Variants in ELF1 observed in about 807,000 individuals in gnomAD.
The protein encoded by ELF1 is ETS-related transcription factor Elf-1.
In ELF1, 24 loss-of-function variants were observed where a neutral mutation model predicts 59.9. The observed-to-expected ratio is 0.40, with a 90% CI of 0.29 to 0.56. The LOEUF (loss-of-function observed/expected upper bound fraction) is 0.56, where lower values mean the gene tolerates loss of function less well. Among genes scored for constraint, ELF1 ranks in the 20% least tolerant of loss-of-function variants. ELF1 has a pLI of 0.44. For synonymous variants in ELF1, 248 were observed against 266.2 expected, an observed-to-expected ratio of 0.93 and a Z score of 0.67; for missense variants, 627 against 742.2, an observed-to-expected ratio of 0.84 and a Z score of 1.80.
At chr13:40,937,555 T>C (rs1338644634) in intron 8 of ELF1, among the ~76,000 whole-genome samples, 2 of 152,134 alleles carry the variant, frequency 1.3e-5, no homozygotes, top group Non-Finnish European at 1.5e-5. Context: ...CTGCAACCTC[T>C]GCCTCCCAGG....
chr13:41,017,839 C>T (rs1875500609), intron 1 of ELF1, among the ~76,000 whole-genome samples: 1 of 151,768 alleles, frequency 6.6e-6, no homozygotes, highest in African/African-American at 2.4e-5. Context: ...TTCACACAGA[C>T]CAGACTAGAA....
rs553101231 is a variant in ELF1, at chr13:40,970,646, G to A, written c.72+11337C>T. Among the ~76,000 whole-genome samples the A allele has an allele frequency of 3.2e-4, 48 of 152,220 alleles. No homozygotes were observed. In the South Asian group the frequency reaches 8.7e-3, roughly 28 times the overall value. ...CAAGTATGTTTGGATGTTAACCTCC[G>A]TGCCAAGAAAACATACTTGTCTCTA... On this transcript the variant is annotated intron_variant, in intron 2 of 8. Transcript: ENST00000239882.
intron 1 of ELF1, among the ~76,000 whole-genome samples, chr13:41,027,211 A>G (rs1187873101): frequency 1.3e-5 from 2 of 152,266 alleles, no homozygotes; most frequent in African/African-American, 4.8e-5. Context: ...AAAATTGGTG[A>G]CAAAGAAATT....
Position 40,966,931 on chromosome 13 carries a change from A to G in ELF1, c.73-7915T>C, listed in dbSNP as rs74047264. Among the ~76,000 whole-genome samples the G allele has an allele frequency of 6.7e-3, 1,026 of 152,336 alleles. 9 individuals carry two copies. Among genetic ancestry groups the G allele is most frequent in the African/African-American group, 0.024 (979 of 41,572 alleles). Reference sequence around the variant, plus strand: ...CACACCTTCGAGTAGTTCACGCAACATCTTTGCATCAAGGCAAGAAAACAC... The same window carrying G: ...CACACCTTCGAGTAGTTCACGCAACGTCTTTGCATCAAGGCAAGAAAACAC... On this transcript the variant is annotated intron_variant, in intron 2 of 8. Transcript: ENST00000239882.
chr13:40,954,501 A>G (rs985294515), intron 3 of ELF1, among the ~76,000 whole-genome samples: 65 of 151,216 alleles, frequency 4.3e-4, no homozygotes, highest in Non-Finnish European at 7.4e-4. Flanking sequence ...ATGCCGAGCC[A>G]AAGCTGGACT....
intron 1 of ELF1, among the ~76,000 whole-genome samples, chr13:41,019,015 A>G (rs1451941901): frequency 6.6e-6 from 1 of 152,240 alleles, no homozygotes; most frequent in African/African-American, 2.4e-5. Flanking sequence ...GACATACAAA[A>G]TGCTTTAGCA....
rs150301193 is a variant in ELF1 at position 40,948,726 on chromosome 13, C to CT, written c.529+1079_529+1080insA. 6.3e-4 allele frequency among the ~76,000 whole-genome samples: 96 copies of CT among 152,264 alleles called. No individual in the cohort carries two copies. In the East Asian group the frequency reaches 0.015, roughly 23 times the overall value. On this transcript the variant is annotated intron_variant, in intron 5 of 8. Coordinates refer to ENST00000239882, the MANE Select transcript of ELF1 (RefSeq NM_172373.4). ...TAATTGGCAAAAAGTTAAAAATTCC[C>CT]ACTCAACACATCCTAAAATACTCCT...
intron 8 of ELF1, among the ~76,000 whole-genome samples, chr13:40,936,760 CAAAAAAA>C (rs368388366): frequency 3.9e-5 from 3 of 77,158 alleles, no homozygotes; most frequent in East Asian, 8.3e-4. Flanking sequence ...GACTCCGTCT[CAAAAAAA>C]AAAAAAAAAA....
chr13:40,949,942 G>A lies in ELF1; in HGVS notation c.393C>T (p.Asp131=), dbSNP rs1195791723. 1 of 1,613,422 alleles carries A rather than the reference G, an allele frequency of 6.2e-7. No homozygotes were observed. The highest frequency in any genetic ancestry group is 1.1e-5 in the South Asian group (1 of 90,924). Residue 131 remains aspartate, a synonymous_variant, in exon 5 of 9, where the codon GAC becomes GAT. Coordinates refer to ENST00000239882, the MANE Select transcript of ELF1 (RefSeq NM_172373.4). ...NNNIFSSPED[D]MVVAPVTHVS... is the part of the protein sequence containing the mutation. ...CATGGGTGACTGGGGCAACAACCAT[G>A]TCATCTTCAGGTGAACTAAATATAT...
intron 1 of ELF1, among the ~76,000 whole-genome samples, chr13:41,039,686 AAC>A (rs1298006019): frequency 1.3e-5 from 2 of 152,218 alleles, no homozygotes; most frequent in African/African-American, 4.8e-5. Flanking sequence ...AAAATACTGA[AAC>A]ACTGCTCAAT....
At chr13:41,036,080 T>C (rs1370692746) in intron 1 of ELF1, among the ~76,000 whole-genome samples, 1 of 151,652 alleles carries the variant, frequency 6.6e-6, no homozygotes, top group Non-Finnish European at 1.5e-5. Flanking sequence ...AATTTTTTTT[T>C]GTTGTTGTTG....
intron 1 of ELF1, among the ~76,000 whole-genome samples, chr13:41,002,086 T>C (rs1199761545): frequency 6.6e-6 from 1 of 151,428 alleles, no homozygotes; most frequent in Non-Finnish European, 1.5e-5. Flanking sequence ...TGTGAGTATA[T>C]AAGGTGAGGG....
chr13:41,036,173 C>G (rs958403429), intron 1 of ELF1, among the ~76,000 whole-genome samples: 5 of 152,014 alleles, frequency 3.3e-5, no homozygotes, highest in Non-Finnish European at 7.4e-5. Context: ...GTCTCGGCCT[C>G]CCAAAGGGCT....
intron 2 of ELF1, among the ~76,000 whole-genome samples, chr13:40,968,459 G>T (rs1343192792): frequency 6.6e-6 from 1 of 152,072 alleles, no homozygotes; most frequent in African/African-American, 2.4e-5. Flanking sequence ...AAACATCATT[G>T]CTTCCTTTCC....
intron 1 of ELF1, among the ~76,000 whole-genome samples, chr13:41,060,441 G>C (rs1019342243): frequency 9.9e-5 from 15 of 152,160 alleles, no homozygotes; most frequent in Middle Eastern, 3.2e-3. Flanking sequence ...GGAAAACTAC[G>C]GGCCGGAGGG....
At chr13:40,947,711 C>G (rs540964133) in intron 5 of ELF1, among the ~76,000 whole-genome samples, 2 of 152,288 alleles carry the variant, frequency 1.3e-5, no homozygotes, top group East Asian at 1.9e-4. Context: ...CTAGGCCATA[C>G]AAGATTTCCT....
chr13:41,012,873 A>G (rs563954571), intron 1 of ELF1, among the ~76,000 whole-genome samples: 19 of 152,168 alleles, frequency 1.2e-4, no homozygotes, highest in Admixed American at 2.0e-4. Context: ...CTATTCTAAA[A>G]TTGGTATCTT....
rs373806743 is a variant in ELF1, at chr13:40,974,844, G to A, written c.72+7139C>T. ...GAGATAAGCCAAATGTTAGACCACAGGCAGGGTTGTTCCTTCACTTAACCT... is the reference window on the plus strand; with the variant it reads ...GAGATAAGCCAAATGTTAGACCACAAGCAGGGTTGTTCCTTCACTTAACCT... On this transcript the variant is annotated intron_variant, in intron 2 of 8. Transcript: ENST00000239882. 1.1e-3 allele frequency among the ~76,000 whole-genome samples: 167 copies of A among 152,266 alleles called. 1 individual carries two copies. The highest frequency in any genetic ancestry group is 3.7e-3 in the African/African-American group (155 of 41,552).
chr13:40,965,165 G>C (rs1475094082), intron 2 of ELF1, among the ~76,000 whole-genome samples: 1 of 152,054 alleles, frequency 6.6e-6, no homozygotes, highest in Admixed American at 6.6e-5. Context: ...AGGTTTCTTT[G>C]CTGAAGATCA....
Sources: gnomAD v4.1 joint callset for allele counts (sites outside exome capture counted in the v4.1 genomes callset) on GRCh38, gnomAD v4.1.1 for gene constraint, MANE v1.5 for transcripts, NCBI Gene and HGNC (gene_info 2026-07-23, HGNC 2026-07-21) for gene names.